Variants in AFAP1 observed in about 807,000 individuals in gnomAD.
AFAP1 encodes actin filament associated protein 1.
A neutral mutation model predicts 93.9 loss-of-function variants in AFAP1; 75 were observed. The ratio of observed to expected loss-of-function variants is 0.80; its 90% CI spans 0.66 to 0.97. AFAP1 has a LOEUF of 0.97. AFAP1 is among the 50% of genes least tolerant of loss of function. The pLI, the probability that AFAP1 is intolerant of heterozygous loss-of-function variation, is 0.00. For synonymous variants in AFAP1, 517 were observed against 430.7 expected (o/e 1.20, Z -2.48); for missense variants, 1,201 against 1,050.8 (o/e 1.14, Z -1.98).
intron 1 of AFAP1, among the ~76,000 whole-genome samples, chr4:7,934,303 C>G (rs909777228): frequency 1.3e-5 from 2 of 152,220 alleles, no homozygotes; most frequent in African/African-American, 4.8e-5. Context: ...ACCCAGCACT[C>G]ACTCTGCTGC....
At chr4:7,920,724 G>A (rs925670368) in intron 1 of AFAP1, among the ~76,000 whole-genome samples, 1 of 152,122 alleles carries the variant, frequency 6.6e-6, no homozygotes, top group South Asian at 2.1e-4. Context: ...TTCTTCCTTC[G>A]AATCTCTATT....
intron 1 of AFAP1, among the ~76,000 whole-genome samples, chr4:7,894,820 G>A (rs28404053): frequency 0.081 from 12,289 of 152,182 alleles, 770 homozygotes; most frequent in East Asian, 0.25. Flanking sequence ...GAAAAGCCTC[G>A]AGGGCTCCTG....
At chr4:7,897,415 T>G (rs190082664) in intron 1 of AFAP1, among the ~76,000 whole-genome samples, 8 of 152,332 alleles carry the variant, frequency 5.3e-5, no homozygotes, top group East Asian at 3.9e-4. Flanking sequence ...TTCAGATGCT[T>G]CTTCTCCTTG....
At chr4:7,776,555 C>T (rs992520393) in intron 14 of AFAP1, 4 of 152,164 alleles carry the variant, frequency 2.6e-5, no homozygotes, top group Admixed American at 2.6e-4. Context: ...AGCAGGGAGC[C>T]ATTTCTAGCA....
At chr4:7,767,286 G>C (rs1001734588) in intron 17 of AFAP1, among the ~76,000 whole-genome samples, 1 of 152,200 alleles carries the variant, frequency 6.6e-6, no homozygotes, top group Non-Finnish European at 1.5e-5. Context: ...GAGCAAAAGG[G>C]AGCGGGGGGC....
chr4:7,818,960 C>CT (rs1416992564), intron 7 of AFAP1, 116 bp downstream of exon 7: 2 of 988,308 alleles, frequency 2.0e-6, no homozygotes, highest in African/African-American at 3.3e-5. Flanking sequence ...CACGACTGCA[C>CT]TTTTTCTTTT....
intron 4 of AFAP1, among the ~76,000 whole-genome samples, chr4:7,844,785 C>T (rs547398891): frequency 2.0e-5 from 3 of 152,338 alleles, no homozygotes; most frequent in Middle Eastern, 3.4e-3. Context: ...CTTTCAGCTG[C>T]GCTGGATGAT....
chr4:7,882,808 G>A (rs995546920), intron 1 of AFAP1, among the ~76,000 whole-genome samples: 5 of 151,944 alleles, frequency 3.3e-5, no homozygotes, highest in Admixed American at 1.3e-4. Context: ...GCAGTGAGCC[G>A]AGATAGAGCC....
At chr4:7,917,457 C>T (rs577284466) in intron 1 of AFAP1, among the ~76,000 whole-genome samples, 3 of 152,290 alleles carry the variant, frequency 2.0e-5, no homozygotes, top group East Asian at 3.9e-4. Context: ...AAAAGAAACA[C>T]ACTCACTTTC....
rs191330360 is a variant in AFAP1, at chr4:7,799,600, G to A, written c.1266+842C>T. ...AGCACAAGGTGCGTGACATGGATGC[G>A]ACCATCTGGCGTGTGAATGCACAGA... On this transcript the variant is annotated intron_variant, in intron 10 of 17. Coordinates refer to ENST00000420658, the MANE Select transcript of AFAP1 (RefSeq NM_001134647.2). Among the ~76,000 whole-genome samples, 5 of 152,282 alleles carry A rather than the reference G, an allele frequency of 3.3e-5. No homozygotes were observed. In the East Asian group the frequency reaches 7.7e-4, roughly 24 times the overall value.
intron 4 of AFAP1, among the ~76,000 whole-genome samples, chr4:7,854,282 T>C (rs1213893044): frequency 1.3e-5 from 2 of 152,204 alleles, no homozygotes; most frequent in Non-Finnish European, 2.9e-5. Context: ...AACTATCCCT[T>C]TTCTCATCCA....
At chr4:7,907,856 A>G (rs1255276997) in intron 1 of AFAP1, among the ~76,000 whole-genome samples, 1 of 152,178 alleles carries the variant, frequency 6.6e-6, no homozygotes, top group African/African-American at 2.4e-5. Context: ...GAGCAAAGCC[A>G]TTTAATCCAT....
chr4:7,769,933 AATG>A (rs1295733228), intron 16 of AFAP1, among the ~76,000 whole-genome samples: 1 of 152,170 alleles, frequency 6.6e-6, no homozygotes, highest in African/African-American at 2.4e-5. Context: ...AATACAATGG[AATG>A]ATGATCAGGA....
At chr4:7,930,564 A>C (rs909166053) in intron 1 of AFAP1, among the ~76,000 whole-genome samples, 1 of 152,162 alleles carries the variant, frequency 6.6e-6, no homozygotes, top group Admixed American at 6.5e-5. Flanking sequence ...ATTATCATAC[A>C]AAAGACACTC....
chr4:7,846,675 G>A (rs988880515), intron 4 of AFAP1, among the ~76,000 whole-genome samples: 1 of 152,132 alleles, frequency 6.6e-6, no homozygotes, highest in African/African-American at 2.4e-5. Flanking sequence ...TCTATGCCAG[G>A]CACTTTTTAA....
chr4:7,768,175 T>G (rs9790401), intron 17 of AFAP1, among the ~76,000 whole-genome samples: 1 of 152,236 alleles, frequency 6.6e-6, no homozygotes, highest in Admixed American at 6.5e-5. Flanking sequence ...GCCACACTCC[T>G]GTGGCTCCCC....
chr4:7,822,516 C>A (rs1721051909), intron 6 of AFAP1, among the ~76,000 whole-genome samples: 1 of 152,070 alleles, frequency 6.6e-6, no homozygotes, highest in African/African-American at 2.4e-5. Flanking sequence ...ACATAACCTG[C>A]CAAAACCCAT....
At position 7,760,785 on chromosome 4, in the gene AFAP1, C is replaced by G. The variant is rs1382049758; in HGVS notation, c.*2980G>C. On this transcript the variant is annotated 3_prime_UTR_variant, in exon 18 of 18. Coordinates refer to ENST00000420658, the MANE Select transcript of AFAP1 (RefSeq NM_001134647.2). ...TGGCTCAAGGTTAGAATGGAAGGAG[C>G]CCTGAGCCCCGCAGGGGTCGGCCCC... The G allele has an allele frequency of 6.6e-6, 1 of 152,236 alleles. No individual in the cohort carries two copies. The highest frequency in any genetic ancestry group is 2.4e-5 in the African/African-American group (1 of 41,476). 9.4% of individuals were successfully genotyped at this position (152,236 alleles called of 1,614,324 possible).
At position 7,793,798 on chromosome 4, in the gene AFAP1, C is replaced by A; in HGVS notation, c.1295G>T (p.Trp432Leu). 1.3e-6 allele frequency: 2 copies of A among 1,559,292 alleles called. No individual in the cohort carries two copies. Among genetic ancestry groups the A allele is most frequent in the Admixed American group, 1.7e-5 (1 of 59,278 alleles). ...CGTCTCTGCGAGTAAAATCCCAATCCACCTGCCCATGTCTTCAGAAGAAGA... is the reference window on the plus strand; with the variant it reads ...CGTCTCTGCGAGTAAAATCCCAATCAACCTGCCCATGTCTTCAGAAGAAGA... ...EASSSEDMGR[W>L]IGILLAETGS... The change falls in exon 11 of 18, where the codon TGG becomes TTG. Residue 432 changes from tryptophan (W) to leucine (L), a missense_variant. Physicochemically the swap from Trp to Leu is moderately conservative, Grantham distance 61. Transcript: ENST00000420658.
Sources: allele counts gnomAD v4.1 joint callset (sites outside exome capture counted in the v4.1 genomes callset), GRCh38; gene constraint gnomAD v4.1.1; transcripts MANE v1.5; gene names NCBI Gene and HGNC (gene_info 2026-07-23, HGNC 2026-07-21).